TYW1B: variants seen among roughly 807,000 people sequenced by gnomAD.
The protein encoded by TYW1B is S-adenosyl-L-methionine-dependent tRNA 4-demethylwyosine synthase TYW1B.
A neutral mutation model predicts 86.9 loss-of-function variants in TYW1B; 73 were observed. That is an observed-to-expected ratio of 0.84 (90% CI 0.70 to 1.02). The LOEUF (loss-of-function observed/expected upper bound fraction) is 1.02. Ranked by LOEUF, TYW1B falls within the 50% of genes least tolerant of loss-of-function variation. The pLI is 0.00. For missense variants in TYW1B, 637 were observed against 827.4 expected (o/e 0.77, Z 2.82); for synonymous variants, 248 against 292.8 (o/e 0.85, Z 1.56).
At chr7:72,739,460 G>T (rs1158253227) in intron 8 of TYW1B, among the ~76,000 whole-genome samples, 1 of 151,962 alleles carries the variant, frequency 6.6e-6, no homozygotes, top group East Asian at 1.9e-4. Context: ...CAAAAAATTA[G>T]CAGGGCATGG....
chr7:72,704,733 G>T (rs191035678), intron 10 of TYW1B, among the ~76,000 whole-genome samples: 14 of 152,168 alleles, frequency 9.2e-5, no homozygotes, highest in Non-Finnish European at 1.6e-4. Flanking sequence ...CCACCATAAG[G>T]TAGTCATTAT....
At chr7:72,760,093 G>A (rs2129571678) in intron 7 of TYW1B, among the ~76,000 whole-genome samples, 1 of 152,192 alleles carries the variant, frequency 6.6e-6, no homozygotes, top group South Asian at 2.1e-4. Flanking sequence ...GTTCTTCCCT[G>A]CCTATATTTG....
At chr7:72,777,600 G>A (rs1434022878) in intron 6 of TYW1B, 67 bp from the exon 7 acceptor site, 63 of 1,575,168 alleles carry the variant, frequency 4.0e-5, no homozygotes, top group Admixed American at 5.2e-5. Context: ...GCACAATCAT[G>A]AACACCTAGC....
chr7:72,641,611 T>C (rs1314386670), intron 11 of TYW1B, among the ~76,000 whole-genome samples: 7 of 152,144 alleles, frequency 4.6e-5, no homozygotes, highest in African/African-American at 9.7e-5. Flanking sequence ...GCTATATCCA[T>C]AGTAACAGAA....
At chr7:72,780,247 T>C (rs1354374502) in intron 6 of TYW1B, among the ~76,000 whole-genome samples, 2 of 152,164 alleles carry the variant, frequency 1.3e-5, no homozygotes, top group African/African-American at 4.8e-5. Context: ...TTGCTTTGTT[T>C]TTTTTAATCT....
At chr7:72,776,550 C>A (rs1405913816) in intron 7 of TYW1B, among the ~76,000 whole-genome samples, 10 of 44,210 alleles carry the variant, frequency 2.3e-4, no homozygotes, top group African/African-American at 7.8e-4. Flanking sequence ...GAGAGAGACT[C>A]TGTCTCAAAA....
At chr7:72,607,393 C>CAAAAAAAAAAAA (rs57281644) in intron 13 of TYW1B, among the ~76,000 whole-genome samples, 4 of 76,198 alleles carry the variant, frequency 5.2e-5, no homozygotes, top group African/African-American at 2.0e-4. Context: ...TTCTGTCTCT[C>CAAAAAAAAAAAA]AAAAAAAAAA....
chr7:72,801,001 T>C (rs536937997), intron 6 of TYW1B, among the ~76,000 whole-genome samples: 1 of 152,266 alleles, frequency 6.6e-6, no homozygotes, highest in African/African-American at 2.4e-5. Flanking sequence ...TTTAAAGTTT[T>C]CCAACGTAGG....
intron 3 of TYW1B, among the ~76,000 whole-genome samples, chr7:72,811,569 G>A (rs1387138340): frequency 7.9e-5 from 12 of 151,852 alleles, no homozygotes; most frequent in South Asian, 2.1e-4. Flanking sequence ...CCATGTTCTC[G>A]GTTCATTACC....
chr7:72,802,205 T>C (rs1385026836), intron 6 of TYW1B, among the ~76,000 whole-genome samples, 195 bp downstream of exon 6: 3 of 152,126 alleles, frequency 2.0e-5, no homozygotes, highest in African/African-American at 7.2e-5. Flanking sequence ...TCTGATGAGC[T>C]GACTTTCACA....
intron 12 of TYW1B, among the ~76,000 whole-genome samples, chr7:72,625,058 CAAA>C (rs57613692): frequency 7.9e-5 from 10 of 126,462 alleles, no homozygotes; most frequent in Non-Finnish European, 7.1e-5. Context: ...GAACCTGTCT[CAAA>C]AAAAAAAAAA....
chr7:72,588,293 G>A (rs1554430809), intron 13 of TYW1B, among the ~76,000 whole-genome samples: 1 of 152,248 alleles, frequency 6.6e-6, no homozygotes, highest in Non-Finnish European at 1.5e-5. Flanking sequence ...TTTTGTTGGA[G>A]TGGAGCTAAA....
In TYW1B at chr7:72,744,592, G is replaced by A. The variant is rs782700183; in HGVS notation, c.974C>T (p.Pro325Leu). The A allele has an allele frequency of 2.0e-5, 32 of 1,613,562 alleles. No homozygotes were observed. Among genetic ancestry groups the A allele is most frequent in the Middle Eastern group, 1.6e-4 (1 of 6,078 alleles). Reference sequence around the variant, plus strand: ...TGTTTGTAACAAGCTCCTCTCCCTCGGAGCATCGACTATGACAAGTAAACA... The same window carrying A: ...TGTTTGTAACAAGCTCCTCTCCCTCAGAGCATCGACTATGACAAGTAAACA... ...REALTKQVDA[P>L]RERSLLQTHI... Residue 325 changes from proline to leucine, a missense_variant, in exon 8 of 14, where the codon CCG becomes CTG. Physicochemically the swap from Pro to Leu is moderately conservative, Grantham distance 98. Coordinates refer to ENST00000620995, the MANE Select transcript of TYW1B (RefSeq NM_001145440.3).
At chr7:72,789,725 C>T (rs1788187537) in intron 6 of TYW1B, among the ~76,000 whole-genome samples, 3 of 151,938 alleles carry the variant, frequency 2.0e-5, no homozygotes, top group Admixed American at 1.3e-4. Context: ...AGTCCTCCCA[C>T]CTCAGGCTCC....
chr7:72,578,828 G>A (rs1313605811), intron 13 of TYW1B, among the ~76,000 whole-genome samples: 1 of 152,158 alleles, frequency 6.6e-6, no homozygotes, highest in Non-Finnish European at 1.5e-5. Flanking sequence ...CCCCGTAGAG[G>A]AGTCTTTTTC....
intron 13 of TYW1B, among the ~76,000 whole-genome samples, chr7:72,582,591 A>G (rs1811180979): frequency 6.6e-6 from 1 of 152,210 alleles, no homozygotes; most frequent in Non-Finnish European, 1.5e-5. Context: ...TGAAAGAGTA[A>G]TTTTAGGAAA....
intron 13 of TYW1B, among the ~76,000 whole-genome samples, chr7:72,592,697 G>T (rs1191483839): frequency 6.6e-6 from 1 of 152,150 alleles, no homozygotes; most frequent in Non-Finnish European, 1.5e-5. Flanking sequence ...GGGAAAGGAT[G>T]GAAAAAGGTA....
intron 11 of TYW1B, among the ~76,000 whole-genome samples, chr7:72,675,168 G>T (rs1813706292): frequency 6.6e-6 from 1 of 152,064 alleles, no homozygotes; most frequent in South Asian, 2.1e-4. Context: ...GGAGGCCGGG[G>T]TGGGTGGATC....
chr7:72,600,572 G>A (rs1276529698), intron 13 of TYW1B, among the ~76,000 whole-genome samples: 1 of 152,146 alleles, frequency 6.6e-6, no homozygotes, highest in Non-Finnish European at 1.5e-5. Flanking sequence ...TCAAACCACA[G>A]ACTAAGAGAA....
Sources: allele counts gnomAD v4.1 joint callset (sites outside exome capture counted in the v4.1 genomes callset), GRCh38; gene constraint gnomAD v4.1.1; transcripts MANE v1.5; gene names NCBI Gene and HGNC (gene_info 2026-07-23, HGNC 2026-07-21).